The following ARHGAP24 variants were observed in gnomAD, a reference collection of about 807,000 sequenced individuals.
The protein encoded by ARHGAP24 is Rho GTPase activating protein 24.
Under a neutral mutation model 76.4 loss-of-function variants are expected in ARHGAP24, and 50 were observed. That is an observed-to-expected ratio of 0.65 (90% CI 0.52 to 0.83). ARHGAP24 has a LOEUF of 0.83. ARHGAP24 is among the 40% of genes least tolerant of loss of function. The pLI is 0.00. For synonymous variants in ARHGAP24, 345 were observed against 323.3 expected (o/e 1.07, Z -0.72); for missense variants, 930 against 914.2 (o/e 1.02, Z -0.22).
chr4:85,880,357 T>A (rs1313844759), intron 3 of ARHGAP24, among the ~76,000 whole-genome samples: 1 of 152,210 alleles, frequency 6.6e-6, no homozygotes, highest in African/African-American at 2.4e-5. Context: ...TGAGTCTGTG[T>A]AACCATCCCT....
intron 2 of ARHGAP24, among the ~76,000 whole-genome samples, chr4:85,703,323 T>TAGATG (rs1330817234): frequency 6.6e-6 from 1 of 152,066 alleles, no homozygotes; most frequent in East Asian, 1.9e-4. Context: ...ATGTTCAGGG[T>TAGATG]AGATGAGATG....
At position 85,535,065 on chromosome 4, in the gene ARHGAP24, C is replaced by T. The variant is rs182114588; in HGVS notation, c.-20-35457C>T. Among the ~76,000 whole-genome samples, 1,166 of 152,156 alleles carry T rather than the reference C, an allele frequency of 7.7e-3. 10 individuals carry two copies. Among genetic ancestry groups the T allele is most frequent in the Non-Finnish European group, 0.014 (976 of 68,004 alleles). Reference sequence around the variant, plus strand: ...TATATGAAACATACATAGTCCAACTCAAACTCTAAATATGTTATTTCCTTG... The same window carrying T: ...TATATGAAACATACATAGTCCAACTTAAACTCTAAATATGTTATTTCCTTG... On this transcript the variant is annotated intron_variant, in intron 1 of 9. Coordinates refer to ENST00000395184, the MANE Select transcript of ARHGAP24 (RefSeq NM_001025616.3).
At chr4:85,846,007 A>G (rs868795073) in intron 3 of ARHGAP24, among the ~76,000 whole-genome samples, 18 of 151,854 alleles carry the variant, frequency 1.2e-4, no homozygotes, top group African/African-American at 3.9e-4. Flanking sequence ...CCATGTTCAA[A>G]TGATTCTCCT....
intron 8 of ARHGAP24, among the ~76,000 whole-genome samples, chr4:85,984,056 G>T (rs4693752): frequency 0.21 from 31,874 of 152,168 alleles, 3,609 homozygotes; most frequent in South Asian, 0.39. Flanking sequence ...TTACAGCCTA[G>T]CCTAGTTGCA....
intron 3 of ARHGAP24, among the ~76,000 whole-genome samples, chr4:85,776,757 A>G (rs192175941): frequency 6.6e-6 from 1 of 152,208 alleles, no homozygotes. Context: ...TCCTGCAGCC[A>G]TTTAACCCTC....
intron 1 of ARHGAP24, among the ~76,000 whole-genome samples, chr4:85,525,965 G>A (rs1238165751): frequency 1.3e-5 from 2 of 151,812 alleles, no homozygotes; most frequent in African/African-American, 4.8e-5. Flanking sequence ...CACCCCCAAG[G>A]GCCTGTTCTC....
At chr4:85,475,951 T>C (rs1176806589) in intron 1 of ARHGAP24, among the ~76,000 whole-genome samples, 2 of 151,752 alleles carry the variant, frequency 1.3e-5, no homozygotes, top group African/African-American at 4.8e-5. Context: ...TAGTATCTTA[T>C]AGGAGTTCCC....
intron 5 of ARHGAP24, among the ~76,000 whole-genome samples, chr4:85,955,002 C>T (rs1304369782): frequency 6.6e-6 from 1 of 152,168 alleles, no homozygotes; most frequent in Non-Finnish European, 1.5e-5. Flanking sequence ...AAGAGTGAAA[C>T]TCTGTCTCAA....
intron 1 of ARHGAP24, among the ~76,000 whole-genome samples, chr4:85,495,698 G>A (rs899616481): frequency 6.6e-6 from 1 of 152,018 alleles, no homozygotes; most frequent in Non-Finnish European, 1.5e-5. Flanking sequence ...GATATGAGGG[G>A]AGATTGACTA....
intron 1 of ARHGAP24, among the ~76,000 whole-genome samples, chr4:85,564,506 T>G (rs567014170): frequency 6.6e-6 from 1 of 151,200 alleles, no homozygotes; most frequent in Non-Finnish European, 1.5e-5. Flanking sequence ...CAAACCTGCA[T>G]GTTGTGCACA....
intron 8 of ARHGAP24, among the ~76,000 whole-genome samples, chr4:85,984,345 G>A (rs376367984): frequency 1.4e-4 from 22 of 152,270 alleles, no homozygotes; most frequent in African/African-American, 4.8e-4. Flanking sequence ...AGTCTGGGAA[G>A]TCCAAGATCA....
intron 3 of ARHGAP24, among the ~76,000 whole-genome samples, chr4:85,733,127 G>A (rs1288155076): frequency 1.7e-5 from 2 of 119,418 alleles, no homozygotes; most frequent in Admixed American, 1.2e-4. Context: ...GCAGTGGCAC[G>A]ATCTCAGCTC....
intron 2 of ARHGAP24, among the ~76,000 whole-genome samples, chr4:85,700,557 T>A (rs1724044532): frequency 6.6e-6 from 1 of 152,084 alleles, no homozygotes; most frequent in Non-Finnish European, 1.5e-5. Flanking sequence ...ATAGGAAGGA[T>A]TACAGGGGAA....
chr4:85,881,387 C>A (rs1733244239), intron 3 of ARHGAP24, among the ~76,000 whole-genome samples: 1 of 152,010 alleles, frequency 6.6e-6, no homozygotes, highest in African/African-American at 2.4e-5. Context: ...TATTCATTAA[C>A]GTTGCCAAGA....
chr4:85,489,883 G>T (rs921285823), intron 1 of ARHGAP24, among the ~76,000 whole-genome samples: 1 of 151,976 alleles, frequency 6.6e-6, no homozygotes, highest in Non-Finnish European at 1.5e-5. Context: ...TAATAATAGT[G>T]GCATGTTTTT....
chr4:85,865,562 A>T (rs1732150612), intron 3 of ARHGAP24, among the ~76,000 whole-genome samples: 1 of 147,792 alleles, frequency 6.8e-6, no homozygotes, highest in African/African-American at 2.4e-5. Context: ...ATTATAAAAT[A>T]ATTATATAAA....
intron 3 of ARHGAP24, among the ~76,000 whole-genome samples, chr4:85,911,829 CACTT>C (rs1402995174): frequency 6.6e-6 from 1 of 152,094 alleles, no homozygotes; most frequent in Non-Finnish European, 1.5e-5. Context: ...GATTTTTATC[CACTT>C]ACTTAATATT....
chr4:85,711,929 T>C (rs1415512226), intron 2 of ARHGAP24, among the ~76,000 whole-genome samples: 2 of 152,150 alleles, frequency 1.3e-5, no homozygotes, highest in Non-Finnish European at 2.9e-5. Flanking sequence ...GTCCTAGAGT[T>C]TCGCATAGTA....
chr4:85,702,026 A>G (rs1383012697), intron 2 of ARHGAP24, among the ~76,000 whole-genome samples: 1 of 152,126 alleles, frequency 6.6e-6, no homozygotes, highest in Non-Finnish European at 1.5e-5. Context: ...AACCCATGGT[A>G]CATATTTTTC....
Sources: allele counts gnomAD v4.1 joint callset (sites outside exome capture counted in the v4.1 genomes callset), GRCh38; gene constraint gnomAD v4.1.1; transcripts MANE v1.5; gene names NCBI Gene and HGNC (gene_info 2026-07-23, HGNC 2026-07-21).